The following OXR1 variants were observed in gnomAD, a reference collection of about 807,000 sequenced individuals.
The protein encoded by OXR1 is oxidation resistance protein 1.
A neutral mutation model predicts 104.6 loss-of-function variants in OXR1; 41 were observed. The ratio of observed to expected loss-of-function variants is 0.39; its 90% CI spans 0.31 to 0.51. The LOEUF (loss-of-function observed/expected upper bound fraction) is 0.51. Among genes scored for constraint, OXR1 ranks in the 20% least tolerant of loss-of-function variants. The pLI is 0.77. For synonymous variants in OXR1, 348 were observed against 348.4 expected, an observed-to-expected ratio of 1.00 and a Z score of 0.01; for missense variants, 955 against 1,031.9, an observed-to-expected ratio of 0.93 and a Z score of 1.02.
At chr8:106,352,079 A>G (rs1384022334) in intron 1 of OXR1, among the ~76,000 whole-genome samples, 1 of 152,120 alleles carries the variant, frequency 6.6e-6, no homozygotes, top group Non-Finnish European at 1.5e-5. Flanking sequence ...GTGTATTGCA[A>G]TGATGTATTA....
intron 2 of OXR1, among the ~76,000 whole-genome samples, chr8:106,457,459 G>A (rs765008068): frequency 2.8e-4 from 43 of 152,122 alleles, no homozygotes; most frequent in Non-Finnish European, 8.8e-5. Context: ...GCAAAAGCCA[G>A]ACTAAGACAG....
chr8:106,463,418 G>A (rs1457370954), intron 2 of OXR1, among the ~76,000 whole-genome samples: 1 of 152,004 alleles, frequency 6.6e-6, no homozygotes, highest in African/African-American at 2.4e-5. Flanking sequence ...AATAAGAAGA[G>A]TTCTTAGACA....
At chr8:106,691,025 A>G (rs1022447001) in intron 6 of OXR1, among the ~76,000 whole-genome samples, 1 of 152,010 alleles carries the variant, frequency 6.6e-6, no homozygotes, top group Non-Finnish European at 1.5e-5. Context: ...TAATTCATTT[A>G]TGGTAATGGT....
intron 2 of OXR1, among the ~76,000 whole-genome samples, chr8:106,424,235 G>C (rs1213772309): frequency 6.6e-6 from 1 of 152,076 alleles, no homozygotes; most frequent in African/African-American, 2.4e-5. Flanking sequence ...ACCACACCCA[G>C]TCTGATTCTT....
chr8:106,618,712 C>G (rs951263864), intron 3 of OXR1, among the ~76,000 whole-genome samples: 2 of 152,208 alleles, frequency 1.3e-5, no homozygotes, highest in African/African-American at 4.8e-5. Context: ...TTTGTCACCA[C>G]TGTATTCTGG....
chr8:106,575,800 G>T (rs1012472335), intron 3 of OXR1, among the ~76,000 whole-genome samples: 1 of 151,308 alleles, frequency 6.6e-6, no homozygotes, highest in African/African-American at 2.4e-5. Flanking sequence ...CAGAAGGAAA[G>T]ACTTTAAATT....
At chr8:106,340,245 T>C (rs1465027534) in intron 1 of OXR1, among the ~76,000 whole-genome samples, 1 of 151,698 alleles carries the variant, frequency 6.6e-6, no homozygotes, top group Non-Finnish European at 1.5e-5. Flanking sequence ...ACCTTCTGAC[T>C]TGAATGGATC....
chr8:106,583,975 C>T (rs987349133), intron 3 of OXR1, among the ~76,000 whole-genome samples: 1 of 151,712 alleles, frequency 6.6e-6, no homozygotes, highest in Admixed American at 6.6e-5. Context: ...CTGACTAAAC[C>T]AAGGACACAG....
Position 106,679,076 on chromosome 8 carries a change from A to T in OXR1, c.221-134A>T, listed in dbSNP as rs1184495319. 39 of 469,870 alleles carry T rather than the reference A, an allele frequency of 8.3e-5. No individual in the cohort carries two copies. The East Asian group carries it at 1.3e-3, about 16-fold the overall frequency. The allele number at this position is 469,870 out of a possible 1,614,324, so 29.1% of individuals were successfully genotyped here. A position where few individuals can be genotyped will look rare whatever the true frequency, so the allele number is the denominator to read the frequency against. On this transcript the variant is annotated intron_variant, in intron 3 of 16. Transcript: ENST00000517566. ...TTTTTTTGACAGTTGCTTGATTTTT[A>T]CAGCAGAGCATCCCAGGGAGTAAGC...
chr8:106,413,407 A>T (rs923384441), intron 2 of OXR1, among the ~76,000 whole-genome samples: 1 of 152,154 alleles, frequency 6.6e-6, no homozygotes, highest in Non-Finnish European at 1.5e-5. Context: ...TTGGAAAGAC[A>T]TCAATGTCTT....
intron 3 of OXR1, among the ~76,000 whole-genome samples, chr8:106,524,236 T>A (rs2130161668): frequency 6.6e-6 from 1 of 152,342 alleles, no homozygotes; most frequent in African/African-American, 2.4e-5. Context: ...ATAATCAGCT[T>A]ATTTCACTAC....
At chr8:106,586,430 G>A (rs967963029) in intron 3 of OXR1, among the ~76,000 whole-genome samples, 2 of 152,206 alleles carry the variant, frequency 1.3e-5, no homozygotes, top group African/African-American at 4.8e-5. Context: ...AACAGTGAAG[G>A]TGGCACAGGT....
intron 3 of OXR1, among the ~76,000 whole-genome samples, chr8:106,561,013 C>T (rs1816637095): frequency 6.6e-6 from 1 of 152,190 alleles, no homozygotes; most frequent in Non-Finnish European, 1.5e-5. Flanking sequence ...CTTCTCAACC[C>T]ACAGACCAGG....
intron 1 of OXR1, among the ~76,000 whole-genome samples, chr8:106,338,126 A>G (rs1815039145): frequency 6.6e-6 from 1 of 152,210 alleles, no homozygotes; most frequent in Admixed American, 6.5e-5. Flanking sequence ...CCAAACCAAA[A>G]TGGAGTCACT....
intron 2 of OXR1, among the ~76,000 whole-genome samples, chr8:106,476,952 G>A (rs780711309): frequency 2.1e-4 from 32 of 151,890 alleles, no homozygotes; most frequent in African/African-American, 6.5e-4. Context: ...CAGTGTTTCT[G>A]TGTTTGCCAA....
At chr8:106,367,368 T>C (rs931834773) in intron 2 of OXR1, among the ~76,000 whole-genome samples, 4 of 152,068 alleles carry the variant, frequency 2.6e-5, no homozygotes, top group African/African-American at 9.7e-5. Context: ...CGATCTATGT[T>C]CCACTTTTAA....
At position 106,359,472 on chromosome 8, in the gene OXR1, A is replaced by G; in HGVS notation, c.-138-4A>G. The G allele has an allele frequency of 4.5e-6, 3 of 660,338 alleles. No individual in the cohort carries two copies. Among genetic ancestry groups the G allele is most frequent in the East Asian group, 5.5e-5 (2 of 36,642 alleles). 40.9% of individuals were successfully genotyped at this position (660,338 alleles called of 1,614,324 possible). Reference sequence around the variant, plus strand: ...AGATATTCATTTATTTCTTTTCTTTATAGGTCCTCTCAAACTGTGAGTAAC... The same window carrying G: ...AGATATTCATTTATTTCTTTTCTTTGTAGGTCCTCTCAAACTGTGAGTAAC... On this transcript the variant is annotated splice_polypyrimidine_tract_variant and splice_region_variant and intron_variant, in intron 1 of 16. Transcript: ENST00000517566.
In OXR1 at chr8:106,742,263, T is replaced by C; in HGVS notation, c.2358T>C (p.Asp786=). ...ALASEPLKVS[D]GFYGTGETFV... ...CATCTGAGCCACTGAAAGTGAGTGA[T>C]GGCTTTTATGGTACTGGAGAGACCT... Residue 786 remains aspartate, a synonymous_variant, in exon 15 of 17, where the codon GAT becomes GAC. Coordinates refer to ENST00000517566, the MANE Select transcript of OXR1 (RefSeq NM_001198533.2). 6.2e-7 allele frequency: 1 copy of C among 1,612,200 alleles called. No homozygotes were observed.
intron 1 of OXR1, among the ~76,000 whole-genome samples, chr8:106,276,445 A>C (rs1812040266): frequency 6.6e-6 from 1 of 152,184 alleles, no homozygotes; most frequent in African/African-American, 2.4e-5. Flanking sequence ...GAAGATCAAG[A>C]GCTTTGCAGT....
Sources: allele counts gnomAD v4.1 joint callset (sites outside exome capture counted in the v4.1 genomes callset), GRCh38; gene constraint gnomAD v4.1.1; transcripts MANE v1.5; gene names NCBI Gene and HGNC (gene_info 2026-07-23, HGNC 2026-07-21).